CPNE4: variants seen among roughly 807,000 people sequenced by gnomAD.
CPNE4 encodes copine-4.
A neutral mutation model predicts 67.9 loss-of-function variants in CPNE4; 25 were observed. That is an observed-to-expected ratio of 0.37 (90% CI 0.27 to 0.51). The LOEUF is 0.51. Ranked by LOEUF, CPNE4 falls within the 20% of genes least tolerant of loss-of-function variation. The pLI is 0.93. For synonymous variants in CPNE4, 242 were observed against 244.9 expected, an observed-to-expected ratio of 0.99 and a Z score of 0.11; for missense variants, 464 against 690.8, an observed-to-expected ratio of 0.67 and a Z score of 3.68.
At chr3:131,928,941 T>G (rs1303381414) in intron 1 of CPNE4, among the ~76,000 whole-genome samples, 1 of 152,114 alleles carries the variant, frequency 6.6e-6, no homozygotes, top group African/African-American at 2.4e-5. Context: ...TGGTGTCCTG[T>G]AGAGAGGGCT....
At chr3:131,861,534 G>A (rs1361025588) in intron 2 of CPNE4, among the ~76,000 whole-genome samples, 4 of 151,772 alleles carry the variant, frequency 2.6e-5, no homozygotes, top group Admixed American at 2.0e-4. Flanking sequence ...GGGTTCAAGC[G>A]GTTCTCCTGC....
At chr3:131,589,687 C>T (rs1339735970) in intron 7 of CPNE4, among the ~76,000 whole-genome samples, 1 of 152,212 alleles carries the variant, frequency 6.6e-6, no homozygotes, top group Non-Finnish European at 1.5e-5. Flanking sequence ...GAATGAAAAA[C>T]ATTTGCAATG....
chr3:131,561,480 G>A lies in CPNE4; in HGVS notation c.1061+2736C>T, dbSNP rs60072150. ...AGAGGCTGAAGGACAGAACAGGCAGGCAGGCTTGAGGACAAGCTGTCTGTG... is the reference window on the plus strand; with the variant it reads ...AGAGGCTGAAGGACAGAACAGGCAGACAGGCTTGAGGACAAGCTGTCTGTG... On this transcript the variant is annotated intron_variant, in intron 11 of 15. Coordinates refer to ENST00000429747, the MANE Select transcript of CPNE4 (RefSeq NM_130808.3). 2.6e-5 allele frequency among the ~76,000 whole-genome samples: 4 copies of A among 152,128 alleles called. No individual in the cohort carries two copies. In the East Asian group the frequency reaches 7.8e-4, roughly 30 times the overall value.
intron 7 of CPNE4, among the ~76,000 whole-genome samples, chr3:131,628,760 T>G (rs2107773331): frequency 6.6e-6 from 1 of 152,354 alleles, no homozygotes; most frequent in South Asian, 2.1e-4. Context: ...TTATCATTTT[T>G]TATTGCATCT....
chr3:131,570,426 G>A (rs1214292878), intron 10 of CPNE4, among the ~76,000 whole-genome samples: 5 of 151,824 alleles, frequency 3.3e-5, no homozygotes, highest in Admixed American at 1.3e-4. Flanking sequence ...ATGCTGGTGC[G>A]CTGCACCCAC....
intron 2 of CPNE4, among the ~76,000 whole-genome samples, chr3:131,846,106 G>A (rs1241819346): frequency 6.6e-6 from 1 of 152,146 alleles, no homozygotes; most frequent in Non-Finnish European, 1.5e-5. Context: ...TTTGGGCAAG[G>A]CACTTAACAT....
intron 1 of CPNE4, among the ~76,000 whole-genome samples, chr3:132,022,096 C>T (rs1173004577): frequency 1.3e-5 from 2 of 152,196 alleles, no homozygotes; most frequent in African/African-American, 4.8e-5. Flanking sequence ...TTCCAGGCTG[C>T]TTAGCTTGAC....
At chr3:131,677,771 A>G (rs144594102) in intron 6 of CPNE4, among the ~76,000 whole-genome samples, 249 of 152,138 alleles carry the variant, frequency 1.6e-3, no homozygotes, top group African/African-American at 5.5e-3. Context: ...TGAGTTCTCT[A>G]TTCTGTTCCA....
At chr3:131,638,662 C>T (rs1288072059) in intron 7 of CPNE4, among the ~76,000 whole-genome samples, 1 of 152,072 alleles carries the variant, frequency 6.6e-6, no homozygotes, top group African/African-American at 2.4e-5. Context: ...TACCCTAAAA[C>T]AAGTGTACTT....
chr3:131,963,543 A>C (rs921524937), intron 1 of CPNE4, among the ~76,000 whole-genome samples: 1 of 152,116 alleles, frequency 6.6e-6, no homozygotes, highest in Admixed American at 6.5e-5. Context: ...GGGATGCTTG[A>C]GCTTGGTAGG....
intron 7 of CPNE4, among the ~76,000 whole-genome samples, chr3:131,616,939 G>T (rs993438966): frequency 6.6e-6 from 1 of 152,144 alleles, no homozygotes; most frequent in Admixed American, 6.5e-5. Flanking sequence ...CAGGTCCATC[G>T]GGGATAATGA....
chr3:131,623,597 A>G (rs114937866), intron 7 of CPNE4, among the ~76,000 whole-genome samples: 1 of 152,330 alleles, frequency 6.6e-6, no homozygotes, highest in East Asian at 1.9e-4. Context: ...ATGCCTTAAC[A>G]AAAAGCTAGT....
intron 7 of CPNE4, among the ~76,000 whole-genome samples, chr3:131,634,483 T>C (rs1412014490): frequency 1.3e-5 from 2 of 152,158 alleles, no homozygotes; most frequent in East Asian, 3.8e-4. Flanking sequence ...GCCAGCAAAA[T>C]AATTCTAGAG....
At chr3:131,728,902 A>C (rs2082065731) in intron 2 of CPNE4, among the ~76,000 whole-genome samples, 3 of 44,228 alleles carry the variant, frequency 6.8e-5, no homozygotes, top group Non-Finnish European at 7.3e-5. Context: ...AGAGCCTCAA[A>C]AAAAAAAAAA....
intron 1 of CPNE4, among the ~76,000 whole-genome samples, chr3:131,977,678 AT>A (rs1185275766): frequency 1.3e-5 from 2 of 151,990 alleles, no homozygotes; most frequent in Non-Finnish European, 2.9e-5. Flanking sequence ...ATCATTAAAG[AT>A]TTTTATTAAA....
At chr3:131,621,205 C>A (rs1258232365) in intron 7 of CPNE4, among the ~76,000 whole-genome samples, 1 of 152,098 alleles carries the variant, frequency 6.6e-6, no homozygotes, top group Non-Finnish European at 1.5e-5. Context: ...CTGCCAGTGA[C>A]AATGTTCCAC....
chr3:131,844,887 G>T (rs554411563), intron 2 of CPNE4, among the ~76,000 whole-genome samples: 1 of 152,176 alleles, frequency 6.6e-6, no homozygotes, highest in East Asian at 1.9e-4. Flanking sequence ...TGACACGTAA[G>T]CATATTATGT....
At chr3:131,610,244 A>G (rs1049955404) in intron 7 of CPNE4, among the ~76,000 whole-genome samples, 1 of 152,200 alleles carries the variant, frequency 6.6e-6, no homozygotes, top group African/African-American at 2.4e-5. Flanking sequence ...AGAAACACAG[A>G]TAAGTAACTA....
At chr3:131,950,938 C>T (rs1025727068) in intron 1 of CPNE4, among the ~76,000 whole-genome samples, 1 of 152,170 alleles carries the variant, frequency 6.6e-6, no homozygotes, top group African/African-American at 2.4e-5. Flanking sequence ...CTGAGCATCT[C>T]ATAGAGGTTT....
Sources: allele counts gnomAD v4.1 joint callset (sites outside exome capture counted in the v4.1 genomes callset), GRCh38; gene constraint gnomAD v4.1.1; transcripts MANE v1.5; gene names NCBI Gene and HGNC (gene_info 2026-07-23, HGNC 2026-07-21).